Variants in SEC63 observed in about 807,000 individuals in gnomAD.
SEC63 encodes the protein SEC63 protein translocation regulator.
SEC63 carries 56 observed loss-of-function variants against 116.2 expected under a neutral mutation model. The ratio of observed to expected loss-of-function variants is 0.48; its 90% CI spans 0.39 to 0.60. The LOEUF (loss-of-function observed/expected upper bound fraction) is 0.60, where lower values mean the gene tolerates loss of function less well. Ranked by LOEUF, SEC63 falls within the 20% of genes least tolerant of loss-of-function variation. The pLI is 0.00. For missense variants in SEC63, 668 were observed against 900.0 expected (o/e 0.74, Z 3.30); for synonymous variants, 273 against 294.6 (o/e 0.93, Z 0.75).
intron 1 of SEC63, among the ~76,000 whole-genome samples, chr6:107,942,733 AC>A (rs1770404120): frequency 6.6e-6 from 1 of 152,196 alleles, no homozygotes; most frequent in African/African-American, 2.4e-5. Flanking sequence ...TGGATAACAT[AC>A]ACAGTTGATT....
chr6:107,910,602 A>G (rs952320213), intron 7 of SEC63, among the ~76,000 whole-genome samples: 4 of 152,068 alleles, frequency 2.6e-5, no homozygotes, highest in African/African-American at 4.8e-5. Flanking sequence ...TCATACACAC[A>G]CGTGTCATAC....
intron 16 of SEC63, among the ~76,000 whole-genome samples, chr6:107,890,183 C>T (rs1273947370): frequency 2.0e-5 from 3 of 152,096 alleles, no homozygotes; most frequent in Admixed American, 1.3e-4. Flanking sequence ...AAGTCTCCCA[C>T]TATTATTGTG....
At chr6:107,919,778 C>T (rs1404563390) in intron 4 of SEC63, among the ~76,000 whole-genome samples, 7 of 151,156 alleles carry the variant, frequency 4.6e-5, no homozygotes, top group East Asian at 2.0e-4. Context: ...GCCAAGATCG[C>T]GCCACTCCAC....
Position 107,893,875 on chromosome 6 carries a change from G to A in SEC63, c.1463C>T (p.Ser488Phe). ...TMAEVFEKEQ[S>F]ICAAEEQPAE... ...TGGCTGTTCCTCTGCAGCACAGATG[G>A]ACTGCTCCTTTTCAAATACTTCCTG... The change falls in exon 15 of 21, where the codon TCC (serine) becomes TTC (phenylalanine). Residue 488 changes from serine to phenylalanine, a missense_variant. Ser to Phe is a radical substitution (Grantham distance 155, BLOSUM62 -2). Transcript: ENST00000369002. 1.2e-6 allele frequency: 2 copies of A among 1,614,090 alleles called. No individual in the cohort carries two copies. Among genetic ancestry groups the A allele is most frequent in the Non-Finnish European group, 1.7e-6 (2 of 1,179,998 alleles).
intron 1 of SEC63, among the ~76,000 whole-genome samples, chr6:107,955,150 A>AC (rs1770685701): frequency 6.6e-6 from 1 of 152,122 alleles, no homozygotes; most frequent in African/African-American, 2.4e-5. Context: ...TACATGCTCT[A>AC]CCCTCAGTTT....
chr6:107,914,205 CA>C (rs1185740357), intron 4 of SEC63, among the ~76,000 whole-genome samples: 2 of 152,044 alleles, frequency 1.3e-5, no homozygotes, highest in Non-Finnish European at 2.9e-5. Context: ...CAATTCCTTA[CA>C]AAAATATACA....
chr6:107,888,650 A>G (rs957310260), intron 16 of SEC63, among the ~76,000 whole-genome samples: 15 of 152,124 alleles, frequency 9.9e-5, no homozygotes, highest in African/African-American at 1.2e-4. Flanking sequence ...GTGGTGAGAG[A>G]GGGCATCCTT....
chr6:107,922,734 A>T (rs1787586091), intron 3 of SEC63, among the ~76,000 whole-genome samples: 1 of 152,118 alleles, frequency 6.6e-6, no homozygotes, highest in Admixed American at 6.6e-5. Context: ...AATCTCTCTT[A>T]ATGACTATGA....
At chr6:107,924,551 G>A (rs1275004217) in intron 3 of SEC63, among the ~76,000 whole-genome samples, 2 of 152,152 alleles carry the variant, frequency 1.3e-5, no homozygotes, top group Admixed American at 1.3e-4. Context: ...GGGCTACAGA[G>A]TGAGACTCTG....
intron 11 of SEC63, among the ~76,000 whole-genome samples, chr6:107,904,118 CAA>C (rs34728125): frequency 4.1e-4 from 50 of 121,384 alleles, no homozygotes; most frequent in Non-Finnish European, 5.2e-4. Context: ...ACTCTGTCTC[CAA>C]AAAAAAAAAA....
chr6:107,913,045 T>A (rs1010080683), intron 5 of SEC63, among the ~76,000 whole-genome samples: 1 of 152,192 alleles, frequency 6.6e-6, no homozygotes, highest in African/African-American at 2.4e-5. Context: ...TTATATGTCC[T>A]GAGTTTACAT....
At chr6:107,933,782 A>G (rs1787864516) in intron 1 of SEC63, among the ~76,000 whole-genome samples, 1 of 150,636 alleles carries the variant, frequency 6.6e-6, no homozygotes, top group South Asian at 2.1e-4. Context: ...CCGAAGCTGG[A>G]CTGTACTGCT....
rs1396319734 is a variant in SEC63, at chr6:107,871,076, TATAATCTGTCTG to T, written c.*616_*627del. 1 of 154,176 alleles carries T rather than the reference TATAATCTGTCTG, an allele frequency of 6.5e-6. No homozygotes were observed. The highest frequency in any genetic ancestry group is 1.4e-5 in the Non-Finnish European group (1 of 69,108). The allele number at this position is 154,176 out of a possible 1,614,324, so 9.6% of individuals were successfully genotyped here. On this transcript the variant is annotated 3_prime_UTR_variant, in exon 21 of 21. Transcript: ENST00000369002. ...GGTTTAAGCCATTAAAAGCCATTTT[TATAATCTGTCTG>T]ATAACTCTGGGCAATTAAGAAAAGG...
intron 1 of SEC63, chr6:107,955,944 A>G: frequency 2.7e-6 from 1 of 368,034 alleles, no homozygotes; most frequent in South Asian, 2.0e-5. Context: ...AATCAGGTGA[A>G]TTTTATAATA....
chr6:107,936,330 ATT>A (rs1475601330), intron 1 of SEC63, among the ~76,000 whole-genome samples: 1 of 152,252 alleles, frequency 6.6e-6, no homozygotes, highest in East Asian at 1.9e-4. Flanking sequence ...TAGCAGTTAG[ATT>A]TCCAGCAAAA....
intron 1 of SEC63, among the ~76,000 whole-genome samples, chr6:107,953,837 G>T (rs1210465645): frequency 7.0e-6 from 1 of 143,060 alleles, no homozygotes; most frequent in Non-Finnish European, 1.5e-5. Context: ...CGTCCGGGAG[G>T]GAGGTGGGGG....
intron 16 of SEC63, among the ~76,000 whole-genome samples, chr6:107,886,845 G>GTTTTTT (rs34959288): frequency 7.8e-6 from 1 of 128,102 alleles, no homozygotes; most frequent in African/African-American, 2.9e-5. Context: ...GTTTTTTTGG[G>GTTTTTT]TTTTTTTTTT....
intron 17 of SEC63, among the ~76,000 whole-genome samples, chr6:107,882,307 C>T (rs899431343): frequency 1.3e-5 from 2 of 152,118 alleles, no homozygotes; most frequent in East Asian, 1.9e-4. Context: ...AAAAGAACAA[C>T]GCTAACAAAC....
At chr6:107,918,628 G>T (rs1787470234) in intron 4 of SEC63, among the ~76,000 whole-genome samples, 2 of 151,030 alleles carry the variant, frequency 1.3e-5, no homozygotes, top group South Asian at 4.2e-4. Context: ...GGAGGCAAAG[G>T]TAGCAGTAAG....
Sources: gnomAD v4.1 joint callset for allele counts (sites outside exome capture counted in the v4.1 genomes callset) on GRCh38, gnomAD v4.1.1 for gene constraint, MANE v1.5 for transcripts, NCBI Gene and HGNC (gene_info 2026-07-23, HGNC 2026-07-21) for gene names.